The following TENM3 variants were observed in gnomAD, a reference collection of about 807,000 sequenced individuals.
TENM3 encodes teneurin-3.
In TENM3, 63 loss-of-function variants were observed where a neutral mutation model predicts 255.1. The ratio of observed to expected loss-of-function variants is 0.25; its 90% CI spans 0.20 to 0.30. The LOEUF (loss-of-function observed/expected upper bound fraction) is 0.30. TENM3 is among the 10% of genes least tolerant of loss of function. The pLI is 1.00. For missense variants in TENM3, 2,929 were observed against 3,461.1 expected, an observed-to-expected ratio of 0.85 and a Z score of 3.86; for synonymous variants, 1,306 against 1,322.3, an observed-to-expected ratio of 0.99 and a Z score of 0.27.
the TENM3 span, among the ~76,000 whole-genome samples, chr4:181,912,533 A>AGTGGTGGC: frequency 6.6e-6 from 1 of 152,068 alleles, no homozygotes; most frequent in African/African-American, 2.4e-5. Context: ...CATGCTTGTA[A>AGTGGTGGC]TCCCAACACT....
the TENM3 span, among the ~76,000 whole-genome samples, chr4:181,677,589 C>T: frequency 6.6e-6 from 1 of 152,110 alleles, no homozygotes; most frequent in African/African-American, 2.4e-5. Context: ...AACATATGTG[C>T]TTTAAGTGCC....
the TENM3 span, among the ~76,000 whole-genome samples, chr4:181,794,663 TC>T: frequency 7.9e-6 from 1 of 126,404 alleles, no homozygotes; most frequent in African/African-American, 2.9e-5. Flanking sequence ...CTGAATAATA[TC>T]CCTGTGTGTG....
At chr4:181,930,449 C>T in the TENM3 span, among the ~76,000 whole-genome samples, 1 of 152,140 alleles carries the variant, frequency 6.6e-6, no homozygotes, top group Non-Finnish European at 1.5e-5. Flanking sequence ...CACATACACC[C>T]TACCAAGACT....
At chr4:181,785,839 A>ACAC in the TENM3 span, among the ~76,000 whole-genome samples, 1 of 125,260 alleles carries the variant, frequency 8.0e-6, no homozygotes, top group African/African-American at 2.8e-5. Flanking sequence ...CACACACACA[A>ACAC]ACACACACAC....
At chr4:181,804,253 G>A in the TENM3 span, among the ~76,000 whole-genome samples, 6 of 151,868 alleles carry the variant, frequency 4.0e-5, no homozygotes, top group Admixed American at 3.3e-4. Flanking sequence ...ATTTTATGTG[G>A]AATTAATTGA....
At chr4:182,198,795 G>T (rs962149987) in intron 1 of TENM3, among the ~76,000 whole-genome samples, 1 of 152,170 alleles carries the variant, frequency 6.6e-6, no homozygotes, top group Non-Finnish European at 1.5e-5. Flanking sequence ...GCAAAGGAAT[G>T]ACAAATATCA....
intron 1 of TENM3, among the ~76,000 whole-genome samples, chr4:182,320,401 C>G (rs1381666716): frequency 6.6e-6 from 1 of 152,200 alleles, no homozygotes; most frequent in African/African-American, 2.4e-5. Context: ...CTGTTGGTTG[C>G]TGGTGGCCAT....
intron 1 of TENM3, among the ~76,000 whole-genome samples, chr4:182,160,679 G>A (rs975333034): frequency 9.2e-5 from 14 of 152,182 alleles, no homozygotes; most frequent in African/African-American, 3.4e-4. Flanking sequence ...CCAGAGGCTG[G>A]GATGGGACAT....
At chr4:182,289,450 G>A (rs967892027) in intron 1 of TENM3, among the ~76,000 whole-genome samples, 6 of 152,198 alleles carry the variant, frequency 3.9e-5, no homozygotes, top group African/African-American at 9.7e-5. Context: ...GAGGCCACTG[G>A]CACTCTGCAG....
At chr4:182,102,019 A>T in the TENM3 span, among the ~76,000 whole-genome samples, 1 of 152,212 alleles carries the variant, frequency 6.6e-6, no homozygotes, top group African/African-American at 2.4e-5. Flanking sequence ...GCCGGGGCTG[A>T]GGCTGCAAGT....
intron 12 of TENM3, among the ~76,000 whole-genome samples, chr4:182,709,293 G>GT (rs1037039472): frequency 6.6e-6 from 1 of 151,994 alleles, no homozygotes; most frequent in Admixed American, 6.6e-5. Context: ...CTGGAAAATA[G>GT]TTTTTTTAAT....
chr4:181,960,769 T>C, the TENM3 span, among the ~76,000 whole-genome samples: 1 of 152,220 alleles, frequency 6.6e-6, no homozygotes, highest in Admixed American at 6.5e-5. Context: ...ATATACTTTT[T>C]AGAACAGAAG....
the TENM3 span, among the ~76,000 whole-genome samples, chr4:181,890,497 A>G: frequency 6.8e-6 from 1 of 147,184 alleles, no homozygotes; most frequent in Non-Finnish European, 1.5e-5. Flanking sequence ...TTACTATCTT[A>G]GCTTTATATA....
At chr4:181,596,100 C>A in the TENM3 span, among the ~76,000 whole-genome samples, 1 of 152,148 alleles carries the variant, frequency 6.6e-6, no homozygotes, top group Non-Finnish European at 1.5e-5. Flanking sequence ...ATCCACAACA[C>A]GCAGAACAGT....
At chr4:182,573,537 GTAT>G (rs965770964) in intron 3 of TENM3, among the ~76,000 whole-genome samples, 50 of 152,188 alleles carry the variant, frequency 3.3e-4, no homozygotes, top group African/African-American at 1.1e-3. Context: ...AGAAGCAGGG[GTAT>G]TATTACAAGG....
At chr4:182,330,982 G>A (rs962589023) in intron 2 of TENM3, among the ~76,000 whole-genome samples, 1 of 152,184 alleles carries the variant, frequency 6.6e-6, no homozygotes, top group Non-Finnish European at 1.5e-5. Context: ...CTTTAGTGGA[G>A]GGAAATAATT....
chr4:181,725,262 T>C, the TENM3 span, among the ~76,000 whole-genome samples: 1 of 152,194 alleles, frequency 6.6e-6, no homozygotes, highest in Non-Finnish European at 1.5e-5. Flanking sequence ...TTTTTACTGA[T>C]GTTTACTGGA....
chr4:182,514,115 G>A (rs1737694104), intron 3 of TENM3, among the ~76,000 whole-genome samples: 1 of 152,208 alleles, frequency 6.6e-6, no homozygotes, highest in South Asian at 2.1e-4. Context: ...GTAACAAGCT[G>A]TATTGTCAGT....
chr4:182,602,320 A>T (rs567317606), intron 4 of TENM3, among the ~76,000 whole-genome samples: 2 of 152,354 alleles, frequency 1.3e-5, no homozygotes, highest in African/African-American at 2.4e-5. Context: ...TGACGCCTTG[A>T]GAGACTGTCC....
Sources: gnomAD v4.1 joint callset for allele counts (sites outside exome capture counted in the v4.1 genomes callset) on GRCh38, gnomAD v4.1.1 for gene constraint, MANE v1.5 for transcripts, NCBI Gene and HGNC (gene_info 2026-07-23, HGNC 2026-07-21) for gene names.